Variants in PXYLP1 observed in about 807,000 individuals in gnomAD.
PXYLP1 encodes the protein acid phosphatase-like 2.
In PXYLP1, 17 loss-of-function variants were observed where a neutral mutation model predicts 37.9. The observed-to-expected ratio is 0.45, with a 90% CI of 0.31 to 0.67. The LOEUF (loss-of-function observed/expected upper bound fraction) is 0.67. Ranked by LOEUF, PXYLP1 falls within the 30% of genes least tolerant of loss-of-function variation. PXYLP1 has a pLI of 0.07. For missense variants in PXYLP1, 511 were observed against 612.0 expected (o/e 0.84, Z 1.74); for synonymous variants, 221 against 232.2 (o/e 0.95, Z 0.44).
At chr3:141,273,611 G>A in intron 2 of PXYLP1, 1 of 985,400 alleles carries the variant, frequency 1.0e-6, no homozygotes, top group South Asian at 4.7e-5. Context: ...AGGGTCCCAA[G>A]GAGATGCTTT....
intron 1 of PXYLP1, among the ~76,000 whole-genome samples, chr3:141,245,198 C>T (rs999001762): frequency 9.2e-5 from 14 of 151,806 alleles, no homozygotes; most frequent in African/African-American, 2.4e-4. Context: ...TATAGGTGCC[C>T]GCCACCATGC....
chr3:141,287,736 GA>G (rs1480350963), intron 5 of PXYLP1, among the ~76,000 whole-genome samples: 1 of 152,186 alleles, frequency 6.6e-6, no homozygotes, highest in African/African-American at 2.4e-5. Context: ...TTCCACCACA[GA>G]AATAGACCCT....
At chr3:141,276,514 G>C (rs1941799160) in intron 2 of PXYLP1, among the ~76,000 whole-genome samples, 1 of 152,096 alleles carries the variant, frequency 6.6e-6, no homozygotes, top group Non-Finnish European at 1.5e-5. Context: ...AACTGGGATA[G>C]AACATTCCAC....
chr3:141,246,476 A>G (rs1447959226), intron 1 of PXYLP1, among the ~76,000 whole-genome samples: 2 of 152,174 alleles, frequency 1.3e-5, no homozygotes, highest in African/African-American at 4.8e-5. Flanking sequence ...TCTATGAGAA[A>G]GTGATCTTTG....
chr3:141,236,644 C>T (rs765593904), intron 1 of PXYLP1, among the ~76,000 whole-genome samples: 4 of 152,088 alleles, frequency 2.6e-5, no homozygotes, highest in Non-Finnish European at 5.9e-5. Flanking sequence ...AGCTTTTAAC[C>T]GTAAAATAAA....
chr3:141,276,173 C>T (rs1176326693), intron 2 of PXYLP1, among the ~76,000 whole-genome samples: 4 of 152,206 alleles, frequency 2.6e-5, no homozygotes, highest in African/African-American at 9.6e-5. Flanking sequence ...GATGTTTACA[C>T]TATGACAAAA....
chr3:141,284,998 C>T (rs913615972), intron 4 of PXYLP1, among the ~76,000 whole-genome samples: 4 of 152,106 alleles, frequency 2.6e-5, no homozygotes, highest in African/African-American at 7.2e-5. Context: ...TGCTAAGCAC[C>T]CTCTGGGCTC....
intron 1 of PXYLP1, chr3:141,236,493 T>C (rs1313183192): frequency 3.9e-5 from 6 of 152,232 alleles, no homozygotes. Context: ...TCATTTTGAA[T>C]ACTATTTGTC....
intron 2 of PXYLP1, among the ~76,000 whole-genome samples, chr3:141,265,700 G>A (rs190413313): frequency 1.5e-4 from 23 of 152,260 alleles, no homozygotes; most frequent in East Asian, 7.7e-4. Context: ...AGTCTGGCTC[G>A]GGGAGTTCAG....
intron 1 of PXYLP1, among the ~76,000 whole-genome samples, chr3:141,259,749 G>A (rs973225500): frequency 2.0e-5 from 3 of 152,220 alleles, no homozygotes; most frequent in South Asian, 2.1e-4. Flanking sequence ...AAGGTTAAAG[G>A]TCACAGCAAG....
At chr3:141,259,463 C>T (rs1187989738) in intron 1 of PXYLP1, among the ~76,000 whole-genome samples, 3 of 151,420 alleles carry the variant, frequency 2.0e-5, no homozygotes, top group African/African-American at 7.3e-5. Flanking sequence ...CTCTTGCACA[C>T]TTCCAATGTG....
intron 3 of PXYLP1, among the ~76,000 whole-genome samples, chr3:141,278,830 A>G (rs974531570): frequency 1.3e-5 from 2 of 152,250 alleles, no homozygotes; most frequent in African/African-American, 4.8e-5. Context: ...GCACTAGTGC[A>G]GCACATTGAG....
chr3:141,258,092 C>T (rs1941305352), intron 1 of PXYLP1, among the ~76,000 whole-genome samples: 1 of 152,116 alleles, frequency 6.6e-6, no homozygotes, highest in African/African-American at 2.4e-5. Flanking sequence ...GCAGCAGAAA[C>T]AAGGCCCTCG....
intron 2 of PXYLP1, among the ~76,000 whole-genome samples, chr3:141,268,276 A>G (rs1010593779): frequency 3.6e-4 from 55 of 151,322 alleles, no homozygotes; most frequent in African/African-American, 1.3e-3. Context: ...TATCACGGCT[A>G]GTTAGTAAAA....
At chr3:141,238,047 A>C in intron 1 of PXYLP1, among the ~76,000 whole-genome samples, 1 of 152,134 alleles carries the variant, frequency 6.6e-6, no homozygotes, top group Admixed American at 6.5e-5. Flanking sequence ...CCTGGCTACT[A>C]TTTTGGACTG....
chr3:141,257,904 C>CAAAAAA (rs59070598), intron 1 of PXYLP1, among the ~76,000 whole-genome samples: 4 of 79,434 alleles, frequency 5.0e-5, no homozygotes, highest in Admixed American at 1.5e-4. Context: ...AACTCTGTCT[C>CAAAAAA]AAAAAAAAAA....
At chr3:141,286,152 G>T (rs1942070108) in intron 4 of PXYLP1, among the ~76,000 whole-genome samples, 1 of 152,080 alleles carries the variant, frequency 6.6e-6, no homozygotes, top group Non-Finnish European at 1.5e-5. Flanking sequence ...TCTTCAGCTG[G>T]AAAATGTATA....
At position 141,279,387 on chromosome 3, in the gene PXYLP1, C is replaced by T. The variant is rs367938675; in HGVS notation, c.248C>T (p.Pro83Leu). ...VAERSMEGHA[P>L]HHFKLVSVHV... Reference sequence around the variant, plus strand: ...TGCTTCTCTCGCGCAGGTCATGCCCCGCATCATTTTAAGCTGGTCTCAGTG... The same window carrying T: ...TGCTTCTCTCGCGCAGGTCATGCCCTGCATCATTTTAAGCTGGTCTCAGTG... The change falls in exon 4 of 6, where the codon CCG (proline) becomes CTG (leucine). Residue 83 changes from proline (P) to leucine (L), a missense_variant. Pro to Leu is a moderately conservative substitution (Grantham distance 98). Transcript: ENST00000286353. 26 of 1,614,028 alleles carry T rather than the reference C, an allele frequency of 1.6e-5. No homozygotes were observed. The highest frequency in any genetic ancestry group is 4.0e-5 in the African/African-American group (3 of 74,920).
rs560273798 is a variant in PXYLP1 at position 141,254,105 on chromosome 3, G to T, written c.-53-6018G>T. Among the ~76,000 whole-genome samples the T allele has an allele frequency of 7.9e-5, 12 of 152,164 alleles. No individual in the cohort carries two copies. The South Asian group carries it at 2.5e-3, about 32-fold the overall frequency. On this transcript the variant is annotated intron_variant, in intron 1 of 5. Coordinates refer to ENST00000286353, the MANE Select transcript of PXYLP1 (RefSeq NM_001037172.3). ...TTTTTGTATTTTTAGTAAAGATGTGGTTTCGCTGTGTTGGCCAGGCTGGTC... is the reference window on the plus strand; with the variant it reads ...TTTTTGTATTTTTAGTAAAGATGTGTTTTCGCTGTGTTGGCCAGGCTGGTC...
Sources: gnomAD v4.1 joint callset for allele counts (sites outside exome capture counted in the v4.1 genomes callset) on GRCh38, gnomAD v4.1.1 for gene constraint, MANE v1.5 for transcripts, NCBI Gene and HGNC (gene_info 2026-07-23, HGNC 2026-07-21) for gene names.